TMEM132E: variants seen among roughly 807,000 people sequenced by gnomAD.
The protein encoded by TMEM132E is transmembrane protein 132E.
Under a neutral mutation model 78.5 loss-of-function variants are expected in TMEM132E, and 49 were observed. The observed-to-expected ratio is 0.62, with a 90% CI of 0.50 to 0.79. The LOEUF is 0.79. Ranked by LOEUF, TMEM132E falls within the 30% of genes least tolerant of loss-of-function variation. TMEM132E has a pLI of 0.00. For missense variants in TMEM132E, 1,403 were observed against 1,470.9 expected, an observed-to-expected ratio of 0.95 and a Z score of 0.75; for synonymous variants, 715 against 670.6, an observed-to-expected ratio of 1.07 and a Z score of -1.02.
intron 1 of TMEM132E, among the ~76,000 whole-genome samples, chr17:34,592,097 T>C (rs1036027410): frequency 1.6e-4 from 25 of 152,194 alleles, no homozygotes; most frequent in African/African-American, 4.8e-4. Flanking sequence ...TTTCTGGTGG[T>C]TGGGTTTTTT....
Position 34,629,123 on chromosome 17 carries a change from C to A in TMEM132E, c.1257C>A (p.Gly419=), listed in dbSNP as rs566433963. The A allele has an allele frequency of 6.2e-7, 1 of 1,613,626 alleles. No individual in the cohort carries two copies. The highest frequency in any genetic ancestry group is 1.7e-5 in the Admixed American group (1 of 59,950). Reference sequence around the variant, plus strand: ...GGCACATTGACTACCGTGGCCACGGCGCCCTGCCTGACCTGGAGCGGGCAG... The same window carrying A: ...GGCACATTGACTACCGTGGCCACGGAGCCCTGCCTGACCTGGAGCGGGCAG... The part of the protein sequence containing the change: ...IMWHIDYRGH[G]ALPDLERAVT... The change falls in exon 4 of 9, where the codon GGC becomes GGA. Residue 419 remains glycine, a synonymous_variant. Coordinates refer to ENST00000631683, the MANE Select transcript of TMEM132E (RefSeq NM_001304438.2).
chr17:34,611,486 T>C lies in TMEM132E; in HGVS notation c.68-14641T>C, dbSNP rs80149772. Among the ~76,000 whole-genome samples, 96 of 152,226 alleles carry C rather than the reference T, an allele frequency of 6.3e-4. No homozygotes were observed. The East Asian group carries it at 0.017, about 28-fold the overall frequency. The stretch of plus-strand genomic sequence containing the variant: ...TGAAGGCCCCTTTCCAGCACTGAGT[T>C]AGAAGTGCTGATGAAGCAGCAGCCA... On this transcript the variant is annotated intron_variant, in intron 1 of 8. Transcript: ENST00000631683.
chr17:34,629,661 C>A (rs1034198569), intron 4 of TMEM132E, among the ~76,000 whole-genome samples: 1 of 151,880 alleles, frequency 6.6e-6, no homozygotes, highest in Non-Finnish European at 1.5e-5. Flanking sequence ...TGGGGCCAGC[C>A]CAGGGCAGCT....
At position 34,612,111 on chromosome 17, in the gene TMEM132E, C is replaced by T. The variant is rs530083980; in HGVS notation, c.68-14016C>T. On this transcript the variant is annotated intron_variant, in intron 1 of 8. Transcript: ENST00000631683. Reference sequence around the variant, plus strand: ...CCCTAGACCCCCAGAGTTTGCCCTACTCTCAACGCACACACACCTGCTGCC... The same window carrying T: ...CCCTAGACCCCCAGAGTTTGCCCTATTCTCAACGCACACACACCTGCTGCC... 3.4e-4 allele frequency among the ~76,000 whole-genome samples: 52 copies of T among 152,298 alleles called. 1 individual carries two copies. The South Asian group carries it at 9.3e-3, about 27-fold the overall frequency.
intron 1 of TMEM132E, among the ~76,000 whole-genome samples, chr17:34,625,273 T>G (rs1219529438): frequency 6.6e-6 from 1 of 151,854 alleles, no homozygotes; most frequent in Non-Finnish European, 1.5e-5. Context: ...GGAGAGGCAG[T>G]TAAGAGGAGG....
At chr17:34,633,826 T>C (rs1264230031) in intron 6 of TMEM132E, among the ~76,000 whole-genome samples, 4 of 152,242 alleles carry the variant, frequency 2.6e-5, no homozygotes, top group African/African-American at 9.6e-5. Flanking sequence ...GATTCTGCAT[T>C]TCTCACCAGC....
intron 1 of TMEM132E, among the ~76,000 whole-genome samples, chr17:34,618,698 A>C (rs981336237): frequency 6.6e-6 from 1 of 152,172 alleles, no homozygotes; most frequent in African/African-American, 2.4e-5. Flanking sequence ...GGAGTGCACC[A>C]GTTCTTTAGC....
At position 34,626,860 on chromosome 17, in the gene TMEM132E, C is replaced by G. The variant is rs758620753; in HGVS notation, c.801C>G (p.Pro267=). The part of the protein sequence containing the change: ...GARAESPTQH[P]LLRIGSISLF... The stretch of plus-strand genomic sequence containing the variant: ...GAGCGGAAAGCCCTACCCAGCACCC[C>G]CTGCTGCGCATCGGGAGCATCAGCC... The change falls in exon 2 of 9, where the codon CCC becomes CCG. Residue 267 remains proline (P), a synonymous_variant. Transcript: ENST00000631683. 16 of 1,605,516 alleles carry G rather than the reference C, an allele frequency of 1.0e-5. No homozygotes were observed. The highest frequency in any genetic ancestry group is 3.3e-5 in the Admixed American group (2 of 59,774).
At chr17:34,596,310 A>G (rs1214216789) in intron 1 of TMEM132E, among the ~76,000 whole-genome samples, 1 of 152,212 alleles carries the variant, frequency 6.6e-6, no homozygotes, top group Non-Finnish European at 1.5e-5. Flanking sequence ...TGAAATTGGC[A>G]ATCATGATTC....
At chr17:34,619,463 A>G (rs758261297) in intron 1 of TMEM132E, among the ~76,000 whole-genome samples, 2 of 146,596 alleles carry the variant, frequency 1.4e-5, no homozygotes, top group Non-Finnish European at 3.0e-5. Context: ...GGCACTAATC[A>G]TGGCTCATGC....
At chr17:34,597,365 A>G (rs1906096107) in intron 1 of TMEM132E, among the ~76,000 whole-genome samples, 1 of 151,934 alleles carries the variant, frequency 6.6e-6, no homozygotes, top group South Asian at 2.1e-4. Context: ...CAGCTCCTTT[A>G]TAGAGCCTCA....
intron 1 of TMEM132E, among the ~76,000 whole-genome samples, chr17:34,592,813 C>T (rs1434981974): frequency 6.6e-6 from 1 of 152,158 alleles, no homozygotes; most frequent in Non-Finnish European, 1.5e-5. Context: ...ACAAACCAGA[C>T]CCACCCAGAG....
intron 2 of TMEM132E, among the ~76,000 whole-genome samples, chr17:34,627,483 T>C (rs1405363408): frequency 2.8e-5 from 4 of 144,028 alleles, no homozygotes; most frequent in African/African-American, 8.8e-5. Flanking sequence ...TGTGTGTGTG[T>C]GTGTGTGTGT....
chr17:34,606,745 C>T (rs1444074210), intron 1 of TMEM132E, among the ~76,000 whole-genome samples: 2 of 152,182 alleles, frequency 1.3e-5, no homozygotes, highest in Admixed American at 1.3e-4. Flanking sequence ...CATTCCTGAA[C>T]CCAGAACCAC....
intron 1 of TMEM132E, among the ~76,000 whole-genome samples, chr17:34,590,302 G>A (rs970099159): frequency 1.3e-5 from 2 of 150,282 alleles, no homozygotes; most frequent in Non-Finnish European, 3.0e-5. Context: ...GCTTGGTCCC[G>A]ACACTCATAG....
chr17:34,588,283 A>G (rs547311613), intron 1 of TMEM132E, among the ~76,000 whole-genome samples: 3 of 152,090 alleles, frequency 2.0e-5, no homozygotes, highest in Non-Finnish European at 4.4e-5. Context: ...CCCACTACCC[A>G]CTGCAACTCA....
chr17:34,583,684 G>A (rs576433033), intron 1 of TMEM132E, among the ~76,000 whole-genome samples: 11 of 152,330 alleles, frequency 7.2e-5, no homozygotes, highest in Admixed American at 2.0e-4. Flanking sequence ...GCCAGACTGG[G>A]AGCCAAGTAG....
At chr17:34,586,992 G>T (rs1260426352) in intron 1 of TMEM132E, among the ~76,000 whole-genome samples, 1 of 152,114 alleles carries the variant, frequency 6.6e-6, no homozygotes, top group African/African-American at 2.4e-5. Context: ...TCTCTTACAT[G>T]ACTTTTTTTG....
intron 1 of TMEM132E, among the ~76,000 whole-genome samples, chr17:34,590,156 C>G (rs938749851): frequency 7.2e-5 from 11 of 152,220 alleles, no homozygotes; most frequent in Non-Finnish European, 1.3e-4. Flanking sequence ...GACCACACAC[C>G]TGTGTCTGAG....
Sources: allele counts gnomAD v4.1 joint callset (sites outside exome capture counted in the v4.1 genomes callset), GRCh38; gene constraint gnomAD v4.1.1; transcripts MANE v1.5; gene names NCBI Gene and HGNC (gene_info 2026-07-23, HGNC 2026-07-21).